GOLGA3: variants seen among roughly 807,000 people sequenced by gnomAD.
The protein encoded by GOLGA3 is golgin subfamily A member 3.
A neutral mutation model predicts 169.4 loss-of-function variants in GOLGA3; 75 were observed. The observed-to-expected ratio is 0.44, with a 90% CI of 0.37 to 0.54. The LOEUF is 0.54. GOLGA3 is among the 20% of genes least tolerant of loss of function. The pLI is 0.00. For missense variants in GOLGA3, 1,899 were observed against 1,930.0 expected (o/e 0.98, Z 0.30); for synonymous variants, 824 against 822.4 (o/e 1.00, Z -0.03).
At chr12:132,773,940 G>T (rs2045063657) in intron 23 of GOLGA3, among the ~76,000 whole-genome samples, 1 of 143,060 alleles carries the variant, frequency 7.0e-6, no homozygotes, top group South Asian at 2.2e-4. Flanking sequence ...AAACCTCAGA[G>T]GCTGAGTCCT....
chr12:132,797,157 G>A (rs877203), intron 9 of GOLGA3, among the ~76,000 whole-genome samples: 193 of 152,124 alleles, frequency 1.3e-3, no homozygotes, highest in Non-Finnish European at 2.1e-3. Flanking sequence ...TCTCTACTAA[G>A]CCCTTGAAGC....
chr12:132,823,477 G>A (rs192082617), intron 1 of GOLGA3, among the ~76,000 whole-genome samples: 278 of 152,292 alleles, frequency 1.8e-3, no homozygotes, highest in African/African-American at 6.3e-3. Flanking sequence ...ATCCCACACA[G>A]AAGGTATAGA....
intron 11 of GOLGA3, among the ~76,000 whole-genome samples, chr12:132,795,140 T>C (rs1477521071): frequency 1.4e-5 from 2 of 142,630 alleles, no homozygotes; most frequent in African/African-American, 5.3e-5. Context: ...TGAGCCGAGA[T>C]CACCGCACTA....
intron 13 of GOLGA3, among the ~76,000 whole-genome samples, chr12:132,787,294 T>C (rs887156210): frequency 1.3e-5 from 2 of 151,970 alleles, no homozygotes; most frequent in African/African-American, 2.4e-5. Flanking sequence ...TTCCAAACAC[T>C]GTCCAGAGCA....
intron 10 of GOLGA3, 86 bp downstream of exon 10, chr12:132,796,453 G>T: frequency 6.9e-7 from 1 of 1,442,380 alleles, no homozygotes; most frequent in Non-Finnish European, 9.3e-7. Context: ...CCACAGCAGA[G>T]GACTGCTCGG....
intron 15 of GOLGA3, among the ~76,000 whole-genome samples, chr12:132,784,740 C>T (rs534620166): frequency 2.2e-4 from 32 of 148,342 alleles, no homozygotes; most frequent in Admixed American, 7.3e-4. Context: ...ACACCCCACA[C>T]GCACATGCTC....
intron 18 of GOLGA3, among the ~76,000 whole-genome samples, chr12:132,778,277 A>C (rs1054639682): frequency 2.0e-5 from 3 of 152,172 alleles, no homozygotes; most frequent in Non-Finnish European, 4.4e-5. Flanking sequence ...ACCCGGTCCC[A>C]AAAATGAAAT....
intron 22 of GOLGA3, chr12:132,774,803 C>G: frequency 2.1e-6 from 1 of 470,678 alleles, no homozygotes; most frequent in Non-Finnish European, 3.7e-6. Context: ...GGACCGAGCA[C>G]AGAAAACCGC....
intron 18 of GOLGA3, among the ~76,000 whole-genome samples, chr12:132,779,024 C>T (rs114300633): frequency 6.1e-4 from 93 of 152,306 alleles, no homozygotes; most frequent in African/African-American, 2.1e-3. Context: ...AACGGCCGGG[C>T]GGATGAGGCC....
chr12:132,820,993 G>A (rs142646945), intron 2 of GOLGA3, among the ~76,000 whole-genome samples: 4,818 of 150,938 alleles, frequency 0.032, 257 homozygotes, highest in African/African-American at 0.11. Context: ...CCAGCTACTC[G>A]GGAGGCTGAA....
intron 18 of GOLGA3, among the ~76,000 whole-genome samples, chr12:132,779,384 C>T (rs1050731775): frequency 1.3e-5 from 2 of 152,170 alleles, no homozygotes; most frequent in African/African-American, 2.4e-5. Flanking sequence ...CAGCCACCTG[C>T]CACATCTTAA....
At chr12:132,827,705 G>C (rs759793819) in intron 1 of GOLGA3, 1 of 152,066 alleles carries the variant, frequency 6.6e-6, no homozygotes, top group Non-Finnish European at 1.5e-5. Context: ...GCCATTTAAG[G>C]TATACTGCCT....
At chr12:132,778,893 GA>G (rs58841336) in intron 18 of GOLGA3, among the ~76,000 whole-genome samples, 33 of 141,768 alleles carry the variant, frequency 2.3e-4, no homozygotes, top group East Asian at 4.1e-4. Context: ...GACTCCGTCT[GA>G]AAAAAAAAAA....
chr12:132,791,614 G>A (rs1273766510), intron 11 of GOLGA3, among the ~76,000 whole-genome samples: 1 of 148,494 alleles, frequency 6.7e-6, no homozygotes, highest in Non-Finnish European at 1.5e-5. Flanking sequence ...GTTACACTGA[G>A]GACTATAGGA....
chr12:132,821,099 C>CAAAAAAAA (rs61336622), intron 2 of GOLGA3, among the ~76,000 whole-genome samples: 3 of 49,328 alleles, frequency 6.1e-5, no homozygotes, highest in African/African-American at 1.9e-4. Context: ...GACACCGTCT[C>CAAAAAAAA]AAAAAAAAAA....
chr12:132,788,943 C>CGCCCCAGACACAGGCCCA, intron 13 of GOLGA3, 84 bp downstream of exon 13: 1 of 1,177,952 alleles, frequency 8.5e-7, no homozygotes, highest in Non-Finnish European at 1.2e-6. Context: ...ACACAGGCCC[C>CGCCCCAGACACAGGCCCA]GCCCCAGACA....
At chr12:132,792,526 T>C (rs898630091) in intron 11 of GOLGA3, among the ~76,000 whole-genome samples, 14 of 152,170 alleles carry the variant, frequency 9.2e-5, no homozygotes, top group Admixed American at 2.0e-4. Context: ...GCCCAGGAGC[T>C]TGTGAGAAAT....
chr12:132,811,141 AAAT>A (rs1424757508), intron 4 of GOLGA3, among the ~76,000 whole-genome samples: 2 of 152,060 alleles, frequency 1.3e-5, no homozygotes, highest in Non-Finnish European at 2.9e-5. Context: ...TGTATCCAAT[AAAT>A]AACAGCACAG....
chr12:132,777,900 T>G lies in GOLGA3; in HGVS notation c.3583-95A>C. 1 of 1,340,874 alleles carries G rather than the reference T, an allele frequency of 7.5e-7. No individual in the cohort carries two copies. The highest frequency in any genetic ancestry group is 1.4e-5 in the African/African-American group (1 of 69,126). The allele number at this position is 1,340,874 out of a possible 1,614,324, so 83.1% of individuals were successfully genotyped here. A position where few individuals can be genotyped will look rare whatever the true frequency, so the allele number is the denominator to read the frequency against. ...GGGGGTGAATGCACTCCCGGCCCCG[T>G]GCATGTCCTGGCTGCCGGCGTGTGC... On this transcript the variant is annotated intron_variant, in intron 18 of 23. Coordinates refer to ENST00000450791, the MANE Select transcript of GOLGA3 (RefSeq NM_001389683.1). This position sits in a 1 kb window ranked among gnomAD's most constrained non-coding sequence, Gnocchi z 4.7.
Sources: allele counts gnomAD v4.1 joint callset (sites outside exome capture counted in the v4.1 genomes callset), GRCh38; gene constraint gnomAD v4.1.1; non-coding constraint Gnocchi (gnomAD v3.1); transcripts MANE v1.5; gene names NCBI Gene and HGNC (gene_info 2026-07-23, HGNC 2026-07-21).